Variants in ARID1B observed in about 807,000 individuals in gnomAD.
ARID1B encodes the protein AT-rich interaction domain 1B, also known as AT-rich interactive domain-containing protein 1B.
In ARID1B, 30 loss-of-function variants were observed where a neutral mutation model predicts 212.3. That is an observed-to-expected ratio of 0.14 (90% CI 0.11 to 0.19). The LOEUF (loss-of-function observed/expected upper bound fraction) is 0.19. ARID1B is among the 10% of genes least tolerant of loss of function. The pLI is 1.00. For synonymous variants in ARID1B, 1,402 were observed against 1,301.7 expected, an observed-to-expected ratio of 1.08 and a Z score of -1.66; for missense variants, 2,891 against 3,204.0, an observed-to-expected ratio of 0.90 and a Z score of 2.36.
intron 1 of ARID1B, 137 bp downstream of exon 1, chr6:156,779,608 A>T: frequency 1.1e-6 from 1 of 931,810 alleles, no homozygotes; most frequent in South Asian, 5.2e-5. Context: ...AGCCATCTTG[A>T]CGGGCGGCCG....
chr6:156,793,046 A>G (rs976347188), intron 1 of ARID1B, among the ~76,000 whole-genome samples: 1 of 152,194 alleles, frequency 6.6e-6, no homozygotes, highest in Non-Finnish European at 1.5e-5. Context: ...GGCAGGCATA[A>G]GGAGCGCTAA....
chr6:156,922,778 T>C (rs758665623), intron 3 of ARID1B, among the ~76,000 whole-genome samples: 1 of 152,198 alleles, frequency 6.6e-6, no homozygotes, highest in Non-Finnish European at 1.5e-5. Flanking sequence ...GACAAATACA[T>C]GCATCACAGA....
intron 5 of ARID1B, among the ~76,000 whole-genome samples, chr6:157,086,506 C>T (rs765063189): frequency 6.6e-6 from 1 of 152,162 alleles, no homozygotes; most frequent in Non-Finnish European, 1.5e-5. Context: ...CTTACTCTTT[C>T]ATTCTAAATT....
intron 4 of ARID1B, among the ~76,000 whole-genome samples, chr6:157,020,930 A>G (rs945682162): frequency 6.6e-6 from 1 of 152,242 alleles, no homozygotes; most frequent in Non-Finnish European, 1.5e-5. Context: ...TAATGGCCGA[A>G]GGAACGTTAC....
At chr6:157,120,389 G>A (rs1787625999) in intron 6 of ARID1B, among the ~76,000 whole-genome samples, 1 of 152,186 alleles carries the variant, frequency 6.6e-6, no homozygotes. Flanking sequence ...AGGCTCTGTG[G>A]TAGTGGGGAA....
chr6:156,952,191 T>C (rs1287522706), intron 4 of ARID1B, among the ~76,000 whole-genome samples: 3 of 152,186 alleles, frequency 2.0e-5, no homozygotes, highest in Non-Finnish European at 4.4e-5. Context: ...ATTTGTAATT[T>C]AGCTTGTTTT....
chr6:156,927,039 CT>C (rs58740016), intron 3 of ARID1B, among the ~76,000 whole-genome samples: 7 of 140,764 alleles, frequency 5.0e-5, no homozygotes, highest in African/African-American at 2.0e-4. Flanking sequence ...AGATAAAGAA[CT>C]TTAAAAAAGA....
At chr6:157,103,389 A>C (rs556953937) in intron 5 of ARID1B, among the ~76,000 whole-genome samples, 1 of 152,352 alleles carries the variant, frequency 6.6e-6, no homozygotes, top group Admixed American at 6.5e-5. Flanking sequence ...GAACGGAATT[A>C]AATTAAGAAC....
intron 13 of ARID1B, among the ~76,000 whole-genome samples, chr6:157,188,303 C>T (rs1562334733): frequency 6.6e-6 from 1 of 152,144 alleles, no homozygotes; most frequent in South Asian, 2.1e-4. Context: ...CTCACAGGGA[C>T]GGATGTTACG....
At chr6:156,824,532 A>G (rs1022281628) in intron 1 of ARID1B, among the ~76,000 whole-genome samples, 5 of 152,196 alleles carry the variant, frequency 3.3e-5, no homozygotes, top group Admixed American at 1.3e-4. Context: ...TGGGAGGTCG[A>G]GGCAGGCGAA....
At chr6:157,029,748 A>G (rs180863209) in intron 4 of ARID1B, among the ~76,000 whole-genome samples, 3 of 152,320 alleles carry the variant, frequency 2.0e-5, no homozygotes, top group East Asian at 3.9e-4. Context: ...CAGCGGGAAC[A>G]TTGTGAAGAG....
chr6:157,062,181 T>C (rs763021664), intron 4 of ARID1B, among the ~76,000 whole-genome samples: 29 of 152,044 alleles, frequency 1.9e-4, no homozygotes, highest in Non-Finnish European at 4.1e-4. Context: ...TTCCCCTGTT[T>C]CTGTTTCTCC....
intron 11 of ARID1B, among the ~76,000 whole-genome samples, chr6:157,176,661 C>T (rs1037186461): frequency 9.2e-5 from 14 of 152,182 alleles, no homozygotes; most frequent in African/African-American, 3.4e-4. Context: ...GCCTGGCCAA[C>T]ATGGTGAAAC....
intron 4 of ARID1B, among the ~76,000 whole-genome samples, chr6:156,956,571 G>T (rs1323015209): frequency 6.6e-6 from 1 of 152,158 alleles, no homozygotes; most frequent in Non-Finnish European, 1.5e-5. Flanking sequence ...TTCAGCTTGA[G>T]TTTGGGGTGA....
At chr6:156,974,501 G>GTTAAA (rs1313407256) in intron 4 of ARID1B, among the ~76,000 whole-genome samples, 1 of 152,170 alleles carries the variant, frequency 6.6e-6, no homozygotes, top group East Asian at 1.9e-4. Flanking sequence ...GAAGAGAAAG[G>GTTAAA]TTAAATTGTT....
chr6:156,962,430 G>A (rs937274624), intron 4 of ARID1B, among the ~76,000 whole-genome samples: 5 of 152,206 alleles, frequency 3.3e-5, no homozygotes, highest in African/African-American at 9.7e-5. Context: ...AAGTTTTCCA[G>A]ATGTCTGTGC....
intron 4 of ARID1B, among the ~76,000 whole-genome samples, chr6:156,957,492 C>T (rs7740605): frequency 0.031 from 4,715 of 152,164 alleles, 198 homozygotes; most frequent in African/African-American, 0.098. Context: ...GACCACCGTG[C>T]AGGCTTAAGA....
intron 4 of ARID1B, chr6:156,976,754 C>G (rs1171231953): frequency 5.2e-5 from 27 of 517,036 alleles, no homozygotes; most frequent in Admixed American, 4.3e-4. Flanking sequence ...AGGTCCGCAG[C>G]TTCATTCATC....
At chr6:157,022,121 C>T (rs1780341602) in intron 4 of ARID1B, among the ~76,000 whole-genome samples, 3 of 151,862 alleles carry the variant, frequency 2.0e-5, no homozygotes. Flanking sequence ...GGAGCCCAGG[C>T]CGCCAAGAAC....
Sources: gnomAD v4.1 joint callset for allele counts (sites outside exome capture counted in the v4.1 genomes callset) on GRCh38, gnomAD v4.1.1 for gene constraint, MANE v1.5 for transcripts, NCBI Gene and HGNC (gene_info 2026-07-23, HGNC 2026-07-21) for gene names.